DAB1: variants seen among roughly 807,000 people sequenced by gnomAD.
DAB1 encodes DAB adaptor protein 1.
DAB1 carries 15 observed loss-of-function variants against 64.6 expected under a neutral mutation model. That is an observed-to-expected ratio of 0.23 (90% CI 0.16 to 0.36). The LOEUF (loss-of-function observed/expected upper bound fraction) is 0.36. Among genes scored for constraint, DAB1 ranks in the 10% least tolerant of loss-of-function variants. DAB1 has a pLI of 1.00. For missense variants in DAB1, 596 were observed against 706.7 expected (o/e 0.84, Z 1.78); for synonymous variants, 235 against 251.9 (o/e 0.93, Z 0.64).
chr1:57,298,899 CT>C (rs1370348205), intron 1 of DAB1, among the ~76,000 whole-genome samples: 1 of 152,158 alleles, frequency 6.6e-6, no homozygotes, highest in African/African-American at 2.4e-5. Context: ...GTCTATAGAA[CT>C]TTTTTTCCCT....
intron 7 of DAB1, among the ~76,000 whole-genome samples, chr1:57,474,719 A>G (rs1643913545): frequency 6.6e-6 from 1 of 152,226 alleles, no homozygotes; most frequent in Non-Finnish European, 1.5e-5. Context: ...GGCTCATTAC[A>G]AAATATTAGT....
intron 1 of DAB1, among the ~76,000 whole-genome samples, chr1:57,355,955 C>T (rs1180213743): frequency 6.6e-6 from 1 of 151,218 alleles, no homozygotes; most frequent in Non-Finnish European, 1.5e-5. Flanking sequence ...TAAATTGCAA[C>T]CTAATTCACT....
intron 2 of DAB1, among the ~76,000 whole-genome samples, chr1:57,286,039 A>G (rs944775434): frequency 3.9e-5 from 6 of 152,230 alleles, no homozygotes; most frequent in Non-Finnish European, 8.8e-5. Flanking sequence ...ACACAATCCA[A>G]TAAAAATAAA....
intron 5 of DAB1, among the ~76,000 whole-genome samples, chr1:58,117,890 G>C (rs1380574099): frequency 6.6e-6 from 1 of 150,770 alleles, no homozygotes; most frequent in Non-Finnish European, 1.5e-5. Context: ...GGCCAGGTGG[G>C]GGTACAGACA....
intron 4 of DAB1, among the ~76,000 whole-genome samples, chr1:58,222,401 GT>G (rs917145531): frequency 6.6e-6 from 1 of 152,168 alleles, no homozygotes; most frequent in Non-Finnish European, 1.5e-5. Flanking sequence ...CCTGGGGCTT[GT>G]TTAACCTCCA....
At position 57,506,647 on chromosome 1, in the gene DAB1, T is replaced by C. The variant is rs532242724; in HGVS notation, n.625+142945A>G. Among the ~76,000 whole-genome samples the C allele has an allele frequency of 1.5e-4, 23 of 152,318 alleles. No homozygotes were observed. In the East Asian group the frequency reaches 3.3e-3, roughly 22 times the overall value. ...CCTGTGCATGCCCATGGTGCCATCA[T>C]TGACCTCCCCAGAGTTCCTGCCACT... On this transcript the variant is annotated intron_variant and non_coding_transcript_variant, in intron 7 of 20. Transcript: ENST00000485760.
intron 3 of DAB1, among the ~76,000 whole-genome samples, chr1:58,496,825 A>C (rs901147281): frequency 6.6e-6 from 1 of 152,208 alleles, no homozygotes; most frequent in Non-Finnish European, 1.5e-5. Flanking sequence ...TCTGAGTTCT[A>C]AATAGATTCT....
intron 2 of DAB1, among the ~76,000 whole-genome samples, chr1:58,512,655 A>C (rs1646097945): frequency 6.6e-6 from 1 of 152,234 alleles, no homozygotes; most frequent in African/African-American, 2.4e-5. Flanking sequence ...CAAATGGACA[A>C]ATACGAGACG....
intron 1 of DAB1, chr1:57,876,455 G>A (rs767537011): frequency 3.3e-5 from 5 of 152,244 alleles, no homozygotes; most frequent in Non-Finnish European, 5.9e-5. Flanking sequence ...TGTTCATCAC[G>A]TAAGGTGATT....
intron 4 of DAB1, among the ~76,000 whole-genome samples, chr1:57,111,792 A>T (rs1021337403): frequency 6.6e-6 from 1 of 152,202 alleles, no homozygotes; most frequent in Non-Finnish European, 1.5e-5. Context: ...TTATTCACTC[A>T]GTGCTGAATC....
intron 5 of DAB1, among the ~76,000 whole-genome samples, chr1:57,999,214 C>T (rs1426189926): frequency 6.6e-6 from 1 of 152,136 alleles, no homozygotes; most frequent in Non-Finnish European, 1.5e-5. Context: ...TTCTCATAAC[C>T]TGTAGAACAA....
chr1:57,370,814 T>C (rs1466644292), intron 1 of DAB1, among the ~76,000 whole-genome samples: 1 of 152,222 alleles, frequency 6.6e-6, no homozygotes, highest in East Asian at 1.9e-4. Context: ...AAATATTTTT[T>C]ATGGTCGTTT....
intron 7 of DAB1, among the ~76,000 whole-genome samples, chr1:57,466,629 C>T (rs1686962623): frequency 6.6e-6 from 1 of 152,206 alleles, no homozygotes; most frequent in Admixed American, 6.5e-5. Context: ...ACTAAAGTAT[C>T]TGCTTAGAGT....
chr1:57,318,783 G>A (rs924212535), intron 1 of DAB1, among the ~76,000 whole-genome samples: 10 of 150,396 alleles, frequency 6.6e-5, no homozygotes, highest in Admixed American at 1.3e-4. Flanking sequence ...CCTCTGGATT[G>A]AGGATAAAAG....
At chr1:57,012,256 A>G (rs1346244529) in intron 12 of DAB1, among the ~76,000 whole-genome samples, 1 of 152,240 alleles carries the variant, frequency 6.6e-6, no homozygotes, top group Non-Finnish European at 1.5e-5. Context: ...ATGAATCTAT[A>G]TATAGAAAGA....
intron 3 of DAB1, chr1:58,468,702 G>C (rs890713988): frequency 3.9e-5 from 6 of 152,330 alleles, no homozygotes; most frequent in African/African-American, 1.2e-4. Flanking sequence ...AGGAAGAGCT[G>C]TGACTACAGT....
intron 6 of DAB1, among the ~76,000 whole-genome samples, chr1:57,736,042 A>C (rs2101781998): frequency 6.6e-6 from 1 of 152,278 alleles, no homozygotes; most frequent in Non-Finnish European, 1.5e-5. Context: ...TCAATATCTA[A>C]GTTTAAAAAA....
At chr1:57,392,891 C>A (rs994571731) in intron 1 of DAB1, among the ~76,000 whole-genome samples, 1 of 152,116 alleles carries the variant, frequency 6.6e-6, no homozygotes, top group Non-Finnish European at 1.5e-5. Context: ...ACCCATTAAG[C>A]CACAGAGATT....
At chr1:57,982,072 G>C (rs182205149) in intron 5 of DAB1, among the ~76,000 whole-genome samples, 251 of 152,318 alleles carry the variant, frequency 1.6e-3, no homozygotes, top group African/African-American at 5.7e-3. Context: ...AAATGGGACT[G>C]TGTTTTACCT....
Sources: allele counts gnomAD v4.1 joint callset (sites outside exome capture counted in the v4.1 genomes callset), GRCh38; gene constraint gnomAD v4.1.1; transcripts MANE v1.5; gene names NCBI Gene and HGNC (gene_info 2026-07-23, HGNC 2026-07-21).